Variants in ZNF431 observed in about 807,000 individuals in gnomAD.
ZNF431 encodes the protein zinc finger protein 431.
In ZNF431, 34 loss-of-function variants were observed where a neutral mutation model predicts 57.0. That is an observed-to-expected ratio of 0.60 (90% CI 0.45 to 0.79). The LOEUF (loss-of-function observed/expected upper bound fraction) is 0.79. Among genes scored for constraint, ZNF431 ranks in the 30% least tolerant of loss-of-function variants. The pLI, the probability that ZNF431 is intolerant of heterozygous loss-of-function variation, is 0.00. For synonymous variants in ZNF431, 207 were observed against 220.3 expected (o/e 0.94, Z 0.54); for missense variants, 607 against 667.1 (o/e 0.91, Z 0.99).
At position 21,166,378 on chromosome 19, in the gene ZNF431, A is replaced by C; in HGVS notation, c.140A>C (p.Glu47Ala). Residue 47 changes from glutamate (E) to alanine (A), a missense_variant, in exon 3 of 5, where the codon GAG (glutamate) becomes GCG (alanine). Physicochemically the swap from Glu to Ala is moderately radical, Grantham distance 107. Coordinates refer to ENST00000311048, the MANE Select transcript of ZNF431 (RefSeq NM_133473.4). The part of the protein sequence containing the change: ...FRDVAIEFSL[E>A]EWECLNPAQQ... Reference sequence around the variant, plus strand: ...GATGTGGCCATAGAATTCTCTCTGGAGGAGTGGGAATGCCTGAACCCTGCT... The same window carrying C: ...GATGTGGCCATAGAATTCTCTCTGGCGGAGTGGGAATGCCTGAACCCTGCT... 2 of 1,612,680 alleles carry C rather than the reference A, an allele frequency of 1.2e-6. No individual in the cohort carries two copies. Among genetic ancestry groups the C allele is most frequent in the Non-Finnish European group, 1.7e-6 (2 of 1,179,702 alleles).
intron 2 of ZNF431, 135 bp downstream of exon 2, chr19:21,143,778 TA>T: frequency 3.6e-6 from 2 of 552,544 alleles, no homozygotes; most frequent in Non-Finnish European, 6.3e-6. Context: ...TGGATTGTCT[TA>T]GGGGGCAGAA....
chr19:21,164,626 AAGG>A (rs1378984705), intron 2 of ZNF431, among the ~76,000 whole-genome samples: 1 of 152,004 alleles, frequency 6.6e-6, no homozygotes, highest in African/African-American at 2.4e-5. Context: ...ATTTCCAGAG[AAGG>A]AGGAGAAAGA....
intron 1 of ZNF431, 127 bp from the exon 2 acceptor site, chr19:21,143,424 G>A (rs949771611): frequency 2.8e-6 from 2 of 715,794 alleles, no homozygotes; most frequent in Non-Finnish European, 4.9e-6. Context: ...TGTGTCCTCA[G>A]CCACCTTTTA....
At position 21,182,792 on chromosome 19, in the gene ZNF431, G is replaced by A. The variant is rs776105155; in HGVS notation, c.489G>A (p.Glu163=). ...AGGTGCACAAAGAAGGTTATAATGA[G>A]CTAAACCAGTGTTTGACAACTACCC... ...EYKVHKEGYN[E]LNQCLTTTQS... Residue 163 remains glutamate (E), a synonymous_variant, in exon 5 of 5, where the codon GAG becomes GAA. Coordinates refer to ENST00000311048, the MANE Select transcript of ZNF431 (RefSeq NM_133473.4). The A allele has an allele frequency of 3.7e-5, 59 of 1,613,858 alleles. No individual in the cohort carries two copies. Among genetic ancestry groups the A allele is most frequent in the Admixed American group, 5.0e-5 (3 of 59,996 alleles).
intron 2 of ZNF431, among the ~76,000 whole-genome samples, chr19:21,148,894 C>T (rs1038855285): frequency 6.6e-6 from 1 of 152,106 alleles, no homozygotes. Context: ...CCTTACTTAG[C>T]TGTAAAACAG....
rs1330545867 is a variant in ZNF431 at position 21,185,805 on chromosome 19, G to A, written c.*1771G>A. 1 of 151,864 alleles carries A rather than the reference G, an allele frequency of 6.6e-6. No individual in the cohort carries two copies. The highest frequency in any genetic ancestry group is 2.4e-5 in the African/African-American group (1 of 41,322). The allele number at this position is 151,864 out of a possible 1,614,324, so 9.4% of individuals were successfully genotyped here. A position where few individuals can be genotyped will look rare whatever the true frequency, so the allele number is the denominator to read the frequency against. On this transcript the variant is annotated 3_prime_UTR_variant, in exon 5 of 5. Coordinates refer to ENST00000311048, the MANE Select transcript of ZNF431 (RefSeq NM_133473.4). ...AGAATACAATATATAATAGTAGCAG[G>A]GTTAAGTAAGGCATCCATCATCTGT...
rs965123997 is a variant in ZNF431 at position 21,142,071 on chromosome 19, C to G, written c.-113C>G. The G allele has an allele frequency of 5.6e-6, 8 of 1,419,590 alleles. No individual in the cohort carries two copies. The African/African-American group carries it at 8.4e-5, about 15-fold the overall frequency. 87.9% of individuals were successfully genotyped at this position (1,419,590 alleles called of 1,614,324 possible). On this transcript the variant is annotated 5_prime_UTR_variant, in exon 1 of 5. Transcript: ENST00000311048. ...CGCCGCAGCCTGAGCTCCAGGTCTCCCCTTCGCTGCTCTGTGTCCTCTGCT... is the reference window on the plus strand; with the variant it reads ...CGCCGCAGCCTGAGCTCCAGGTCTCGCCTTCGCTGCTCTGTGTCCTCTGCT...
chr19:21,146,238 C>G (rs1010470113), intron 2 of ZNF431, among the ~76,000 whole-genome samples: 2 of 151,666 alleles, frequency 1.3e-5, no homozygotes, highest in Admixed American at 1.3e-4. Flanking sequence ...GGTGAAACCC[C>G]GTCTCTACTA....
At chr19:21,144,643 GT>G (rs1044337410) in intron 2 of ZNF431, among the ~76,000 whole-genome samples, 1 of 151,882 alleles carries the variant, frequency 6.6e-6, no homozygotes, top group Non-Finnish European at 1.5e-5. Context: ...CCTCAGGTGT[GT>G]TTTTTTTATG....
intron 4 of ZNF431, among the ~76,000 whole-genome samples, chr19:21,172,132 T>C (rs1027950089): frequency 6.2e-5 from 1 of 16,162 alleles, no homozygotes; most frequent in Non-Finnish European, 2.0e-4. Context: ...AATTAATTGT[T>C]GTAAAAACAT....
chr19:21,153,086 A>G (rs1970320284), intron 2 of ZNF431, among the ~76,000 whole-genome samples: 1 of 152,222 alleles, frequency 6.6e-6, no homozygotes, highest in South Asian at 2.1e-4. Context: ...TCCTTTTTCA[A>G]CTATTTTAAG....
intron 2 of ZNF431, among the ~76,000 whole-genome samples, chr19:21,147,318 C>G (rs1970128655): frequency 1.3e-5 from 2 of 151,954 alleles, no homozygotes; most frequent in African/African-American, 4.8e-5. Context: ...GAAACCCTGT[C>G]TCTACTAAAA....
In ZNF431 at chr19:21,185,166, C is replaced by G. The variant is rs939112250; in HGVS notation, c.*1132C>G. The G allele has an allele frequency of 6.6e-6, 1 of 152,060 alleles. No homozygotes were observed. Among genetic ancestry groups the G allele is most frequent in the Admixed American group, 6.6e-5 (1 of 15,262 alleles). The allele number at this position is 152,060 out of a possible 1,614,324, so 9.4% of individuals were successfully genotyped here. A position where few individuals can be genotyped will look rare whatever the true frequency, so the allele number is the denominator to read the frequency against. On this transcript the variant is annotated 3_prime_UTR_variant, in exon 5 of 5. Transcript: ENST00000311048. Reference sequence around the variant, plus strand: ...ATTTATGGTAGAAATATATAAGGTACTGACACTTCAGATATACTAAATCAG... The same window carrying G: ...ATTTATGGTAGAAATATATAAGGTAGTGACACTTCAGATATACTAAATCAG...
In ZNF431 at chr19:21,166,448, C is replaced by T. The variant is rs1233184680; in HGVS notation, c.210C>T (p.Asn70=). The change falls in exon 3 of 5, where the codon AAC becomes AAT. Residue 70 remains asparagine, a synonymous_variant. Transcript: ENST00000311048. The stretch of plus-strand genomic sequence containing the variant: ...ATGTGATGTTAGAAAACTACAAAAA[C>T]CTGGTCTTCTTGGGTGAGAATAACT... ...YMNVMLENYK[N]LVFLGVAVSK... is the part of the protein sequence containing the mutation. The T allele has an allele frequency of 1.2e-6, 2 of 1,608,616 alleles. No homozygotes were observed. Among genetic ancestry groups the T allele is most frequent in the South Asian group, 2.2e-5 (2 of 89,652 alleles).
Position 21,186,815 on chromosome 19 carries a change from G to A in ZNF431, c.*2781G>A, listed in dbSNP as rs1971383953. On this transcript the variant is annotated 3_prime_UTR_variant, in exon 5 of 5. Transcript: ENST00000311048. Reference sequence around the variant, plus strand: ...CTTTAGATGTAATTCCAAAAGTAGTGTATTAAGTTACATTTTATTTAGTTA... The same window carrying A: ...CTTTAGATGTAATTCCAAAAGTAGTATATTAAGTTACATTTTATTTAGTTA... 6.6e-6 allele frequency: 1 copy of A among 152,096 alleles called. No individual in the cohort carries two copies. The highest frequency in any genetic ancestry group is 1.5e-5 in the Non-Finnish European group (1 of 68,016). The allele number at this position is 152,096 out of a possible 1,614,324, so 9.4% of individuals were successfully genotyped here. A position where few individuals can be genotyped will look rare whatever the true frequency, so the allele number is the denominator to read the frequency against.
At chr19:21,177,592 G>T (rs1475306817) in intron 4 of ZNF431, among the ~76,000 whole-genome samples, 2 of 152,042 alleles carry the variant, frequency 1.3e-5, no homozygotes, top group Non-Finnish European at 2.9e-5. Flanking sequence ...TTTGAGAAAA[G>T]CCTGGCTAAC....
chr19:21,149,751 AT>A, intron 2 of ZNF431: 1 of 628,344 alleles, frequency 1.6e-6, no homozygotes. Context: ...GTGATGGCGG[AT>A]CTCATCCTGT....
At chr19:21,150,090 C>T (rs951631487) in intron 2 of ZNF431, 29 of 638,708 alleles carry the variant, frequency 4.5e-5, no homozygotes, top group South Asian at 1.3e-4. Flanking sequence ...GCTTTCTTCT[C>T]GGCCCGGGCC....
intron 4 of ZNF431, among the ~76,000 whole-genome samples, chr19:21,176,523 G>A (rs1047106594): frequency 2.6e-5 from 4 of 151,918 alleles, no homozygotes; most frequent in African/African-American, 4.8e-5. Flanking sequence ...GATTATAGCC[G>A]TGAGCCACTG....
Sources: gnomAD v4.1 joint callset for allele counts (sites outside exome capture counted in the v4.1 genomes callset) on GRCh38, gnomAD v4.1.1 for gene constraint, MANE v1.5 for transcripts, NCBI Gene and HGNC (gene_info 2026-07-23, HGNC 2026-07-21) for gene names.